SORL1: variants seen among roughly 807,000 people sequenced by gnomAD.
SORL1 encodes the protein sortilin-related receptor.
SORL1 carries 127 observed loss-of-function variants against 273.7 expected under a neutral mutation model. The ratio of observed to expected loss-of-function variants is 0.46; its 90% CI spans 0.40 to 0.54. The LOEUF (loss-of-function observed/expected upper bound fraction) is 0.54. SORL1 is among the 20% of genes least tolerant of loss of function. The probability of loss-of-function intolerance (pLI) is 0.00; values close to 1 mark genes in which losing one functional copy is unlikely to be tolerated. For synonymous variants in SORL1, 1,031 were observed against 1,067.4 expected (o/e 0.97, Z 0.66); for missense variants, 2,494 against 2,846.1 (o/e 0.88, Z 2.81).
intron 11 of SORL1, among the ~76,000 whole-genome samples, chr11:121,526,835 A>T (rs1349327254): frequency 6.6e-6 from 1 of 152,094 alleles, no homozygotes; most frequent in African/African-American, 2.4e-5. Flanking sequence ...GTAGGTTTTT[A>T]GATTCTATGT....
chr11:121,580,918 CT>C (rs35751378), intron 25 of SORL1, among the ~76,000 whole-genome samples: 11,448 of 135,450 alleles, frequency 0.085, 417 homozygotes, highest in Middle Eastern at 0.14. Context: ...TTCTCATACA[CT>C]TTTTTTTTTT....
Position 121,627,866 on chromosome 11 carries a change from C to A in SORL1, c.6577+99C>A. On this transcript the variant is annotated intron_variant, in intron 47 of 47. Coordinates refer to ENST00000260197, the MANE Select transcript of SORL1 (RefSeq NM_003105.6). The surrounding 1 kb of genome is among the most constrained non-coding windows in gnomAD (Gnocchi z 4.9). ...CACCCACCTTCAGCTCCTCTTTTGA[C>A]CCTGGAGGAGCTCTTCATCAGCCAG... 1.3e-6 allele frequency: 1 copy of A among 774,976 alleles called. No individual in the cohort carries two copies. The highest frequency in any genetic ancestry group is 2.1e-6 in the Non-Finnish European group (1 of 486,132). 48.0% of individuals were successfully genotyped at this position (774,976 alleles called of 1,614,324 possible). A position where few individuals can be genotyped will look rare whatever the true frequency, so the allele number is the denominator to read the frequency against.
In SORL1 at chr11:121,496,864, G is replaced by A; in HGVS notation, c.759-5G>A. On this transcript the variant is annotated splice_polypyrimidine_tract_variant and splice_region_variant and intron_variant, in intron 5 of 47. Transcript: ENST00000260197. ...GATAACAACCTTTTTTTTTTTTTCT[G>A]CCAGGGGAATTGATCCCTATGACAA... The A allele has an allele frequency of 1.3e-6, 2 of 1,533,938 alleles. No homozygotes were observed. The highest frequency in any genetic ancestry group is 2.3e-5 in the East Asian group (1 of 43,276).
rs933620397 is a variant in SORL1 at position 121,513,101 on chromosome 11, T to A, written c.1038T>A (p.Ile346=). The stretch of plus-strand genomic sequence containing the variant: ...CCCAGTTTGTCACAAGACATCCTAT[T>A]AATGTGAGTGGGGTCTGCTTGAGGA... ...RAAQFVTRHP[I]NEYYIADASE... is the part of the protein sequence containing the mutation. The change falls in exon 7 of 48, where the codon ATT becomes ATA. Residue 346 remains isoleucine (I), a synonymous_variant. Coordinates refer to ENST00000260197, the MANE Select transcript of SORL1 (RefSeq NM_003105.6). 1 of 1,603,382 alleles carries A rather than the reference T, an allele frequency of 6.2e-7. No individual in the cohort carries two copies. Among genetic ancestry groups the A allele is most frequent in the Non-Finnish European group, 8.5e-7 (1 of 1,170,268 alleles).
chr11:121,482,014 C>T (rs1565309620), intron 3 of SORL1, among the ~76,000 whole-genome samples: 1 of 152,244 alleles, frequency 6.6e-6, no homozygotes, highest in Non-Finnish European at 1.5e-5. Flanking sequence ...CCAGCTTCTT[C>T]CATAGTACAC....
chr11:121,616,676 C>T (rs982251319), intron 41 of SORL1, among the ~76,000 whole-genome samples: 18 of 152,374 alleles, frequency 1.2e-4, no homozygotes, highest in South Asian at 1.0e-3. Context: ...TCACCCCCTT[C>T]GGGGCTTCCC....
chr11:121,608,295 T>A, intron 38 of SORL1, 119 bp downstream of exon 38: 1 of 820,070 alleles, frequency 1.2e-6, no homozygotes, highest in East Asian at 2.7e-5. Flanking sequence ...ACAACTTTCT[T>A]CTCCCCAACA....
intron 25 of SORL1, among the ~76,000 whole-genome samples, chr11:121,579,110 G>T (rs1038860316): frequency 6.6e-6 from 1 of 151,896 alleles, no homozygotes; most frequent in Admixed American, 6.6e-5. Context: ...CTTACAGAAT[G>T]AATTGATTAC....
intron 6 of SORL1, among the ~76,000 whole-genome samples, chr11:121,511,601 G>C (rs1861879319): frequency 6.6e-6 from 1 of 152,150 alleles, no homozygotes; most frequent in Non-Finnish European, 1.5e-5. Flanking sequence ...CCTATGTTTA[G>C]TACAAGCTAT....
chr11:121,601,542 C>A (rs377026622), intron 32 of SORL1, among the ~76,000 whole-genome samples: 11 of 151,372 alleles, frequency 7.3e-5, no homozygotes, highest in Admixed American at 1.3e-4. Flanking sequence ...ATTTCTCCAC[C>A]TCCTCTCCAG....
rs1035064241 is a variant in SORL1, at chr11:121,563,675, G to A, written c.3050-3265G>A. 6.6e-6 allele frequency among the ~76,000 whole-genome samples: 1 copy of A among 152,188 alleles called. No individual in the cohort carries two copies. Among genetic ancestry groups the A allele is most frequent in the East Asian group, 1.9e-4 (1 of 5,202 alleles). ...CCTCCCAAAGTGCTAGGATTTACAG[G>A]TGTGAGCCACTGTGTCTGGCCACTA... On this transcript the variant is annotated intron_variant, in intron 21 of 47. Coordinates refer to ENST00000260197, the MANE Select transcript of SORL1 (RefSeq NM_003105.6). The surrounding 1 kb of genome is among the most constrained non-coding windows in gnomAD (Gnocchi z 4.2).
intron 6 of SORL1, among the ~76,000 whole-genome samples, chr11:121,510,133 A>G (rs1360113408): frequency 6.6e-6 from 1 of 152,276 alleles, no homozygotes; most frequent in African/African-American, 2.4e-5. Context: ...AAAGATGTCT[A>G]AGATACATTG....
At chr11:121,561,196 C>T (rs552733416) in intron 21 of SORL1, among the ~76,000 whole-genome samples, 12 of 152,312 alleles carry the variant, frequency 7.9e-5, no homozygotes, top group African/African-American at 2.9e-4. Flanking sequence ...GTTTGATTTG[C>T]ACACAGGAGC....
intron 1 of SORL1, among the ~76,000 whole-genome samples, chr11:121,459,412 A>G (rs534512764): frequency 6.6e-6 from 1 of 152,158 alleles, no homozygotes; most frequent in Non-Finnish European, 1.5e-5. Flanking sequence ...TCTAGACCCT[A>G]GGTATTGGTG....
At position 121,629,592 on chromosome 11, in the gene SORL1, G is replaced by A. The variant is rs1863846099; in HGVS notation, c.*29G>A. 2.7e-6 allele frequency: 3 copies of A among 1,107,958 alleles called. No individual in the cohort carries two copies. The highest frequency in any genetic ancestry group is 2.5e-5 in the South Asian group (2 of 80,480). 68.6% of individuals were successfully genotyped at this position (1,107,958 alleles called of 1,614,324 possible). On this transcript the variant is annotated 3_prime_UTR_variant, in exon 48 of 48. Coordinates refer to ENST00000260197, the MANE Select transcript of SORL1 (RefSeq NM_003105.6). ...AGCTTTCCTCACTAGAAACCAAATG[G>A]TGTAAATATTTTATTTGATAAAGAT...
At chr11:121,456,154 A>T (rs540653930) in intron 1 of SORL1, among the ~76,000 whole-genome samples, 27 of 152,320 alleles carry the variant, frequency 1.8e-4, no homozygotes, top group African/African-American at 6.3e-4. Context: ...TCTGCCTGAA[A>T]TGATCTTCCC....
In SORL1 at chr11:121,549,966, C is replaced by T. The variant is rs1032307415; in HGVS notation, c.2058C>T (p.Phe686=). ...AGCCCAATTGCCTTTTTAGTGACTT[C>T]GGTTTCAAGATGAGTGAAGATTTGT... ...SCTREDYECD[F]GFKMSEDLSL... is the part of the protein sequence containing the mutation. Residue 686 remains phenylalanine, a synonymous_variant, in exon 15 of 48, where the codon TTC becomes TTT. Transcript: ENST00000260197. The T allele has an allele frequency of 3.7e-6, 6 of 1,613,186 alleles. No individual in the cohort carries two copies. Among genetic ancestry groups the T allele is most frequent in the Admixed American group, 1.7e-5 (1 of 59,956 alleles).
chr11:121,461,353 G>A (rs1399697782), intron 1 of SORL1, among the ~76,000 whole-genome samples: 1 of 152,138 alleles, frequency 6.6e-6, no homozygotes, highest in African/African-American at 2.4e-5. Flanking sequence ...GTTGGTTAGA[G>A]GTGAAAGAGC....
At position 121,567,091 on chromosome 11, in the gene SORL1, G is replaced by A. The variant is rs373075400; in HGVS notation, c.3201G>A (p.Lys1067=). 4 of 1,613,618 alleles carry A rather than the reference G, an allele frequency of 2.5e-6. No homozygotes were observed. The African/African-American group carries it at 5.3e-5, about 22-fold the overall frequency. The change falls in exon 22 of 48, where the codon AAG becomes AAA. Residue 1067 remains lysine (K), a synonymous_variant. Coordinates refer to ENST00000260197, the MANE Select transcript of SORL1 (RefSeq NM_003105.6). ...ACTGCCCTCAGGGCTATCAGCTCAA[G>A]AACAATACCTGTGTCAAACAAGGTA... ...MCDCPQGYQL[K]NNTCVKQENT...
Sources: allele counts gnomAD v4.1 joint callset (sites outside exome capture counted in the v4.1 genomes callset), GRCh38; gene constraint gnomAD v4.1.1; non-coding constraint Gnocchi (gnomAD v3.1); transcripts MANE v1.5; gene names NCBI Gene and HGNC (gene_info 2026-07-23, HGNC 2026-07-21).